The following LRRC43 variants were observed in gnomAD, a reference collection of about 807,000 sequenced individuals.
LRRC43 encodes leucine rich repeat containing 43, also known as leucine-rich repeat-containing protein 43.
In LRRC43, 62 loss-of-function variants were observed where a neutral mutation model predicts 64.3. That is an observed-to-expected ratio of 0.96 (90% CI 0.79 to 1.19). The LOEUF is 1.19. LRRC43 is among the 50% of genes most tolerant of loss of function. The probability of loss-of-function intolerance (pLI) is 0.00; values close to 1 mark genes in which losing one functional copy is unlikely to be tolerated. For synonymous variants in LRRC43, 422 were observed against 382.3 expected, an observed-to-expected ratio of 1.10 and a Z score of -1.21; for missense variants, 868 against 845.0, an observed-to-expected ratio of 1.03 and a Z score of -0.34.
Position 122,184,242 on chromosome 12 carries a change from G to A in LRRC43, c.151-277G>A, listed in dbSNP as rs1361116883. ...CCCGAGTAGCTGAGACTACAGTTGC[G>A]TGCCACCACGCCCGGCTAATTTTTT... On this transcript the variant is annotated intron_variant, in intron 1 of 11. Transcript: ENST00000339777. This position sits in a 1 kb window ranked among gnomAD's most constrained non-coding sequence, Gnocchi z 4.0. Among the ~76,000 whole-genome samples, 3 of 150,930 alleles carry A rather than the reference G, an allele frequency of 2.0e-5. No individual in the cohort carries two copies. The highest frequency in any genetic ancestry group is 3.0e-5 in the Non-Finnish European group (2 of 67,688).
At chr12:122,194,809 C>T (rs898711096) in intron 7 of LRRC43, among the ~76,000 whole-genome samples, 1 of 152,070 alleles carries the variant, frequency 6.6e-6, no homozygotes, top group Non-Finnish European at 1.5e-5. Context: ...TTCATTCTCA[C>T]CCCCATTTCC....
chr12:122,193,147 G>A, intron 7 of LRRC43, 143 bp downstream of exon 7: 2 of 767,728 alleles, frequency 2.6e-6, no homozygotes, highest in Non-Finnish European at 4.1e-6. Flanking sequence ...TTGGGAGGCA[G>A]AGGCGGGCGG....
chr12:122,201,407 G>A, intron 11 of LRRC43, 78 bp downstream of exon 11: 1 of 1,306,690 alleles, frequency 7.7e-7, no homozygotes, highest in East Asian at 2.3e-5. Flanking sequence ...GGAGGCCAAA[G>A]GAACCAAAGG....
Position 122,186,192 on chromosome 12 carries a change from C to G in LRRC43, c.414C>G (p.Val138=). ...FRSLRVIDKK[V]TLVDKDLLKF... ...CAGCTTCCTCTCCCCTCTTCCAGGTCACCCTGGTGGATAAAGACCTCCTGA... is the reference window on the plus strand; with the variant it reads ...CAGCTTCCTCTCCCCTCTTCCAGGTGACCCTGGTGGATAAAGACCTCCTGA... Residue 138 remains valine, a splice_region_variant and synonymous_variant, in exon 3 of 12, where the codon GTC becomes GTG. Coordinates refer to ENST00000339777, the MANE Select transcript of LRRC43 (RefSeq NM_001098519.2). 1 of 1,573,680 alleles carries G rather than the reference C, an allele frequency of 6.4e-7. No homozygotes were observed. Among genetic ancestry groups the G allele is most frequent in the Non-Finnish European group, 8.7e-7 (1 of 1,154,080 alleles).
At chr12:122,198,725 G>A (rs1196314488) in intron 7 of LRRC43, among the ~76,000 whole-genome samples, 1 of 147,670 alleles carries the variant, frequency 6.8e-6, no homozygotes, top group African/African-American at 2.6e-5. Context: ...CACCTCCCAG[G>A]TTCAAGTGAT....
chr12:122,182,382 C>G (rs1242819635), upstream of LRRC43, among the ~76,000 whole-genome samples: 1 of 151,890 alleles, frequency 6.6e-6, no homozygotes, highest in African/African-American at 2.4e-5. Flanking sequence ...ATTAGCGGGG[C>G]GTTGTGGCAG....
In LRRC43 at chr12:122,192,620, G is replaced by A. The variant is rs556929082; in HGVS notation, c.1090-125G>A. ...TCTAAGCGCCTTCCTGCCTCCTAGC[G>A]TGGTGTGTCTGCTCATGCGTGAACC... On this transcript the variant is annotated intron_variant, in intron 6 of 11. Transcript: ENST00000339777. The A allele has an allele frequency of 1.4e-4, 149 of 1,076,326 alleles. No homozygotes were observed. The South Asian group carries it at 1.9e-3, about 14-fold the overall frequency. The allele number at this position is 1,076,326 out of a possible 1,614,324, so 66.7% of individuals were successfully genotyped here.
rs1306488686 is a variant in LRRC43 at position 122,184,593 on chromosome 12, C to T, written c.225C>T (p.Ser75=). The T allele has an allele frequency of 3.7e-6, 6 of 1,613,778 alleles. No individual in the cohort carries two copies. The African/African-American group carries it at 5.3e-5, about 14-fold the overall frequency. Residue 75 remains serine, a synonymous_variant, in exon 2 of 12, where the codon AGC becomes AGT. Coordinates refer to ENST00000339777, the MANE Select transcript of LRRC43 (RefSeq NM_001098519.2). This position sits in a 1 kb window ranked among gnomAD's most constrained non-coding sequence, Gnocchi z 4.0. ...TCCCCAGAGAGGAGGATGTGGTGAG[C>T]CCCGGAGAGGAGACGGTGGAGGCCC... is the stretch of plus-strand genomic sequence containing the variant. ...ELVPREEDVV[S]PGEETVEALL... is the part of the protein sequence containing the mutation.
chr12:122,190,318 C>T lies in LRRC43; in HGVS notation c.851C>T (p.Thr284Ile), dbSNP rs1953702582. 1 of 1,614,078 alleles carries T rather than the reference C, an allele frequency of 6.2e-7. No homozygotes were observed. The highest frequency in any genetic ancestry group is 1.1e-5 in the South Asian group (1 of 91,090). ...LAQLCVLDDI[T>I]VSPNEKHLFR... ...CAGCTCTGCGTGCTGGACGACATCACCGTGTCTCCCAATGAGAAGCATCTC... is the reference window on the plus strand; with the variant it reads ...CAGCTCTGCGTGCTGGACGACATCATCGTGTCTCCCAATGAGAAGCATCTC... Residue 284 changes from threonine to isoleucine, a missense_variant, in exon 5 of 12, where the codon ACC (threonine) becomes ATC (isoleucine). By Grantham distance (89) the Thr-to-Ile change is moderately conservative (BLOSUM62 -1). Coordinates refer to ENST00000339777, the MANE Select transcript of LRRC43 (RefSeq NM_001098519.2).
chr12:122,188,253 C>G (rs1421905553), intron 4 of LRRC43, among the ~76,000 whole-genome samples: 1 of 151,950 alleles, frequency 6.6e-6, no homozygotes, highest in Admixed American at 6.6e-5. Flanking sequence ...ACTACAGGCA[C>G]CCGCCACCAT....
At chr12:122,178,797 T>A (rs1308988149), upstream of LRRC43, among the ~76,000 whole-genome samples, 1 of 151,658 alleles carries the variant, frequency 6.6e-6, no homozygotes, top group Non-Finnish European at 1.5e-5. Context: ...TTAGTAGAGA[T>A]GGGGTTTTTT....
intron 4 of LRRC43, 118 bp downstream of exon 4, chr12:122,187,958 GC>G: frequency 2.0e-6 from 2 of 998,508 alleles, no homozygotes; most frequent in Non-Finnish European, 1.5e-6. Context: ...CCAGTTGGCT[GC>G]TAAATCCAGA....
chr12:122,200,794 C>T lies in LRRC43; in HGVS notation c.1669C>T (p.Gln557Ter). 1 of 1,613,020 alleles carries T rather than the reference C, an allele frequency of 6.2e-7. No individual in the cohort carries two copies. Among genetic ancestry groups the T allele is most frequent in the Non-Finnish European group, 8.5e-7 (1 of 1,180,034 alleles). The change falls in exon 10 of 12, where the codon CAG becomes TAG. Residue 557 changes from glutamine (Q) to a stop codon, truncating the protein, a stop_gained. Coordinates refer to ENST00000339777, the MANE Select transcript of LRRC43 (RefSeq NM_001098519.2). LOFTEE classifies it high-confidence loss of function. The surrounding 1 kb of genome is among the most constrained non-coding windows in gnomAD (Gnocchi z 4.6). ...GAAAGAGCCGCCCAAGGAGCTCCGG[C>T]AGGACCCCCCCATCCTCCAGGTGCT... ...KKKEPPKELR[Q>*]DPPILQVLGR... is the part of the protein sequence containing the mutation.
chr12:122,181,491 C>T (rs1236780215), upstream of LRRC43, among the ~76,000 whole-genome samples: 2 of 147,846 alleles, frequency 1.4e-5, no homozygotes, highest in Non-Finnish European at 3.0e-5. Flanking sequence ...TGCAGTGAGC[C>T]GAGATTGCAC....
chr12:122,183,015 CG>C, upstream of LRRC43: 6 of 1,366,302 alleles, frequency 4.4e-6, no homozygotes, highest in Non-Finnish European at 5.7e-6. Flanking sequence ...GAAGAGAAAA[CG>C]CAGGTGGTTG....
intron 6 of LRRC43, among the ~76,000 whole-genome samples, chr12:122,191,769 C>T (rs1475756490): frequency 2.0e-5 from 3 of 151,736 alleles, no homozygotes; most frequent in Non-Finnish European, 2.9e-5. Context: ...ATTCTCCTGC[C>T]TCAGATCCCC....
intron 1 of LRRC43, among the ~76,000 whole-genome samples, chr12:122,169,049 G>GT (rs1953462754): frequency 6.6e-6 from 1 of 152,150 alleles, no homozygotes; most frequent in African/African-American, 2.4e-5. Flanking sequence ...TGTGAGGGGT[G>GT]CGTGATACCC....
intron 1 of LRRC43, chr12:122,173,918 A>G (rs1277915945): frequency 6.2e-7 from 1 of 1,614,190 alleles, no homozygotes; most frequent in Non-Finnish European, 8.5e-7. Context: ...GGTCGTAGTA[A>G]ACGGACGGGC....
chr12:122,193,250 A>G (rs12582173), intron 7 of LRRC43, among the ~76,000 whole-genome samples: 33,017 of 151,562 alleles, frequency 0.22, 4,619 homozygotes, highest in East Asian at 0.71. Context: ...GCGTGGTGGC[A>G]GGCGCCTGTA....
Sources: allele counts gnomAD v4.1 joint callset (sites outside exome capture counted in the v4.1 genomes callset), GRCh38; gene constraint gnomAD v4.1.1; non-coding constraint Gnocchi (gnomAD v3.1); transcripts MANE v1.5; gene names NCBI Gene and HGNC (gene_info 2026-07-23, HGNC 2026-07-21).